The following TENM2 variants were observed in gnomAD, a reference collection of about 807,000 sequenced individuals.
The protein encoded by TENM2 is teneurin-2.
TENM2 carries 52 observed loss-of-function variants against 245.2 expected under a neutral mutation model. That is an observed-to-expected ratio of 0.21 (90% CI 0.17 to 0.27). The LOEUF is 0.27. Among genes scored for constraint, TENM2 ranks in the 10% least tolerant of loss-of-function variants. TENM2 has a pLI of 1.00. For synonymous variants in TENM2, 1,363 were observed against 1,438.9 expected (o/e 0.95, Z 1.19); for missense variants, 3,046 against 3,666.8 (o/e 0.83, Z 4.37).
At chr5:168,230,425 T>G (rs1764751814) in intron 25 of TENM2, among the ~76,000 whole-genome samples, 1 of 152,232 alleles carries the variant, frequency 6.6e-6, no homozygotes, top group East Asian at 1.9e-4. Context: ...TGAAAGCAAC[T>G]TCTGGAAATG....
chr5:168,182,209 T>A (rs940611308), intron 13 of TENM2, among the ~76,000 whole-genome samples: 2 of 152,262 alleles, frequency 1.3e-5, no homozygotes, highest in African/African-American at 4.8e-5. Context: ...CAGCCTTGCC[T>A]ATTCCTTTCA....
intron 2 of TENM2, among the ~76,000 whole-genome samples, chr5:167,383,068 A>G (rs765707446): frequency 6.6e-6 from 1 of 152,062 alleles, no homozygotes; most frequent in African/African-American, 2.4e-5. Context: ...ATTGCTCTGC[A>G]TTGGACGAAG....
intron 3 of TENM2, among the ~76,000 whole-genome samples, chr5:167,909,359 C>G: frequency 6.6e-6 from 1 of 152,070 alleles, no homozygotes; most frequent in Non-Finnish European, 1.5e-5. Context: ...GTTTAATCTC[C>G]CTTCTATAGG....
At chr5:167,590,458 C>T (rs962555934) in intron 2 of TENM2, among the ~76,000 whole-genome samples, 2 of 151,866 alleles carry the variant, frequency 1.3e-5, no homozygotes, top group Non-Finnish European at 1.5e-5. Context: ...ACATGAGGAT[C>T]TAGTTTCTTA....
intron 3 of TENM2, among the ~76,000 whole-genome samples, chr5:167,884,646 C>T (rs937583745): frequency 6.6e-6 from 1 of 152,152 alleles, no homozygotes; most frequent in East Asian, 1.9e-4. Context: ...TTTGTTTATT[C>T]ACTCCTCCCT....
At chr5:167,267,674 G>GT in the TENM2 span, among the ~76,000 whole-genome samples, 1 of 152,136 alleles carries the variant, frequency 6.6e-6, no homozygotes, top group Non-Finnish European at 1.5e-5. Flanking sequence ...TCATTTCCTT[G>GT]AACCTCTGAG....
the TENM2 span, among the ~76,000 whole-genome samples, chr5:167,139,850 T>C: frequency 4.7e-4 from 71 of 152,354 alleles, no homozygotes; most frequent in East Asian, 0.013. Context: ...AGCGTTGTAA[T>C]GACTTCAGAT....
At chr5:167,318,657 G>A (rs1222942977) in intron 1 of TENM2, among the ~76,000 whole-genome samples, 2 of 152,132 alleles carry the variant, frequency 1.3e-5, no homozygotes, top group Non-Finnish European at 2.9e-5. Flanking sequence ...AAAAAGAATG[G>A]TTTCCATTTA....
intron 3 of TENM2, among the ~76,000 whole-genome samples, chr5:167,917,532 C>A (rs546359688): frequency 6.6e-6 from 1 of 152,026 alleles, no homozygotes; most frequent in African/African-American, 2.4e-5. Context: ...TAATGACAGC[C>A]TGGAGGAGGA....
At chr5:167,162,024 G>T in the TENM2 span, among the ~76,000 whole-genome samples, 2,744 of 151,962 alleles carry the variant, frequency 0.018, 88 homozygotes, top group African/African-American at 0.062. Flanking sequence ...AAATTAGCCG[G>T]GTGTGGTGGC....
At chr5:168,064,873 A>G (rs1423861921) in intron 7 of TENM2, among the ~76,000 whole-genome samples, 2 of 152,222 alleles carry the variant, frequency 1.3e-5, no homozygotes, top group Non-Finnish European at 2.9e-5. Flanking sequence ...AAAAAGAAAG[A>G]AAGAAAGAAA....
chr5:167,310,919 G>A (rs1034288057), intron 1 of TENM2, among the ~76,000 whole-genome samples: 2 of 152,266 alleles, frequency 1.3e-5, no homozygotes, highest in South Asian at 2.1e-4. Context: ...AACAGCTAGG[G>A]ACTTAGTATG....
At chr5:167,708,773 G>T (rs771568552) in intron 2 of TENM2, among the ~76,000 whole-genome samples, 3 of 152,126 alleles carry the variant, frequency 2.0e-5, no homozygotes, top group Non-Finnish European at 4.4e-5. Flanking sequence ...CAGTGCCACA[G>T]AATTGGAGTT....
chr5:168,047,442 G>T, exon 6 of TENM2: 1 of 1,551,672 alleles, frequency 6.4e-7, no homozygotes, highest in South Asian at 1.2e-5. Flanking sequence ...CATCTGCTCG[G>T]ACTCAATTGG....
At chr5:167,636,467 T>C (rs1209352234) in intron 2 of TENM2, among the ~76,000 whole-genome samples, 2 of 152,366 alleles carry the variant, frequency 1.3e-5, no homozygotes, top group East Asian at 3.9e-4. Context: ...AATAACTCAT[T>C]GAAATGGAAG....
At chr5:167,613,149 G>C (rs1310248327) in intron 2 of TENM2, among the ~76,000 whole-genome samples, 2 of 152,242 alleles carry the variant, frequency 1.3e-5, no homozygotes, top group East Asian at 1.9e-4. Context: ...CCATGTTCTG[G>C]TGTCAGATCG....
intron 2 of TENM2, among the ~76,000 whole-genome samples, chr5:167,707,013 TAAAAAAAAAAAAA>T (rs34373602): frequency 1.4e-5 from 1 of 70,064 alleles, no homozygotes; most frequent in African/African-American, 5.5e-5. Flanking sequence ...AGACTCCGCC[TAAAAAAAAAAAAA>T]AAAAAAAAAA....
the TENM2 span, among the ~76,000 whole-genome samples, chr5:167,229,505 G>A: frequency 1.3e-5 from 2 of 152,218 alleles, no homozygotes; most frequent in African/African-American, 4.8e-5. Flanking sequence ...AGTCTAAGCT[G>A]ATGTTGAGGG....
the TENM2 span, among the ~76,000 whole-genome samples, chr5:167,089,584 C>A: frequency 6.6e-6 from 1 of 150,604 alleles, no homozygotes; most frequent in African/African-American, 2.4e-5. Context: ...ATTTTTTTTT[C>A]TTTTTGTGCA....
Sources: allele counts gnomAD v4.1 joint callset (sites outside exome capture counted in the v4.1 genomes callset), GRCh38; gene constraint gnomAD v4.1.1; transcripts MANE v1.5; gene names NCBI Gene and HGNC (gene_info 2026-07-23, HGNC 2026-07-21).